Variants in PTPRM observed in about 807,000 individuals in gnomAD.
PTPRM encodes protein tyrosine phosphatase receptor type M.
Under a neutral mutation model 186.7 loss-of-function variants are expected in PTPRM, and 47 were observed. The ratio of observed to expected loss-of-function variants is 0.25; its 90% CI spans 0.20 to 0.32. PTPRM has a LOEUF of 0.32. PTPRM is among the 10% of genes least tolerant of loss of function. The pLI, the probability that PTPRM is intolerant of heterozygous loss-of-function variation, is 1.00. For missense variants in PTPRM, 1,494 were observed against 1,865.0 expected (o/e 0.80, Z 3.66); for synonymous variants, 668 against 674.9 (o/e 0.99, Z 0.16).
At chr18:7,579,706 C>A (rs186687281) in intron 1 of PTPRM, among the ~76,000 whole-genome samples, 1 of 152,260 alleles carries the variant, frequency 6.6e-6, no homozygotes, top group Non-Finnish European at 1.5e-5. Context: ...TCTAAATTTG[C>A]CAATTTGAGC....
intron 1 of PTPRM, among the ~76,000 whole-genome samples, chr18:7,729,528 G>GA (rs57829380): frequency 0.072 from 10,729 of 149,370 alleles, 1,008 homozygotes; most frequent in African/African-American, 0.21. Flanking sequence ...TAATAAGGCT[G>GA]AAAAAAAAAC....
intron 14 of PTPRM, among the ~76,000 whole-genome samples, chr18:8,198,976 G>A (rs1402477583): frequency 6.6e-6 from 1 of 152,116 alleles, no homozygotes; most frequent in Non-Finnish European, 1.5e-5. Context: ...GACTAGAGGA[G>A]GAGGAGGCTG....
At chr18:7,820,730 G>T (rs1308874319) in intron 2 of PTPRM, among the ~76,000 whole-genome samples, 1 of 152,108 alleles carries the variant, frequency 6.6e-6, no homozygotes, top group African/African-American at 2.4e-5. Context: ...CCTCCCGTGG[G>T]TGACTTCCCC....
In PTPRM at chr18:7,634,496, C is replaced by G. The variant is rs545072926; in HGVS notation, c.73+66605C>G. 9.8e-5 allele frequency among the ~76,000 whole-genome samples: 15 copies of G among 152,292 alleles called. No individual in the cohort carries two copies. The South Asian group carries it at 2.7e-3, about 27-fold the overall frequency. On this transcript the variant is annotated intron_variant, in intron 1 of 32. Transcript: ENST00000580170. The stretch of plus-strand genomic sequence containing the variant: ...TGAAGGTAGGACATGCTGAAAAGCT[C>G]TTTCCTCATTTTTACTTGTTAAAGG...
chr18:8,349,672 G>A (rs2095523854), intron 23 of PTPRM, among the ~76,000 whole-genome samples: 2 of 152,162 alleles, frequency 1.3e-5, no homozygotes, highest in Admixed American at 6.5e-5. Context: ...TAGAAACTAA[G>A]CTTGTCCATT....
chr18:8,266,360 A>T (rs2147562248), intron 19 of PTPRM, among the ~76,000 whole-genome samples: 1 of 38,810 alleles, frequency 2.6e-5, no homozygotes, highest in South Asian at 9.3e-4. Flanking sequence ...CCTTGCTACC[A>T]CTCAAAAAAA....
At chr18:8,149,452 T>C (rs915596987) in intron 14 of PTPRM, among the ~76,000 whole-genome samples, 2 of 152,194 alleles carry the variant, frequency 1.3e-5, no homozygotes, top group Admixed American at 6.5e-5. Flanking sequence ...AAGTCTGTTT[T>C]ATCAGAGACT....
At chr18:7,640,103 G>A (rs554725284) in intron 1 of PTPRM, among the ~76,000 whole-genome samples, 93 of 152,242 alleles carry the variant, frequency 6.1e-4, no homozygotes, top group African/African-American at 2.0e-3. Context: ...GGCAGTGACA[G>A]ATACTGAGCA....
At chr18:7,592,436 T>G (rs2143643661) in intron 1 of PTPRM, among the ~76,000 whole-genome samples, 1 of 152,252 alleles carries the variant, frequency 6.6e-6, no homozygotes, top group Non-Finnish European at 1.5e-5. Context: ...GCCCCAAGGG[T>G]GTCATCAAAT....
chr18:7,605,426 C>CCCT (rs2037507900), intron 1 of PTPRM, among the ~76,000 whole-genome samples: 2 of 151,834 alleles, frequency 1.3e-5, no homozygotes, highest in African/African-American at 4.8e-5. Flanking sequence ...ATGTCCCCCC[C>CCCT]CCACTTCCGT....
intron 5 of PTPRM, among the ~76,000 whole-genome samples, chr18:7,947,470 G>GC (rs2052614866): frequency 7.3e-6 from 1 of 136,460 alleles, no homozygotes; most frequent in African/African-American, 3.8e-5. Context: ...ATAAATCACT[G>GC]GGTAATACAG....
chr18:8,215,800 G>A (rs1250826042), intron 14 of PTPRM, among the ~76,000 whole-genome samples: 1 of 152,030 alleles, frequency 6.6e-6, no homozygotes, highest in East Asian at 1.9e-4. Context: ...CTCCTGCCTT[G>A]ACCTCCCAAA....
intron 1 of PTPRM, among the ~76,000 whole-genome samples, chr18:7,729,626 T>C (rs1451874077): frequency 6.6e-6 from 1 of 152,218 alleles, no homozygotes; most frequent in African/African-American, 2.4e-5. Flanking sequence ...CAATTAAAAA[T>C]GGCCTTGGGG....
chr18:7,991,565 G>T (rs894957079), intron 7 of PTPRM, among the ~76,000 whole-genome samples: 2 of 152,140 alleles, frequency 1.3e-5, no homozygotes, highest in Non-Finnish European at 2.9e-5. Flanking sequence ...TAACATTCTT[G>T]CAGCAAATAA....
At chr18:7,906,881 G>T (rs775059486) in intron 4 of PTPRM, among the ~76,000 whole-genome samples, 23 of 152,150 alleles carry the variant, frequency 1.5e-4, no homozygotes, top group Non-Finnish European at 1.3e-4. Flanking sequence ...TTTAGAATTC[G>T]CTTTTCAGTA....
chr18:7,993,469 G>A (rs547300485), intron 7 of PTPRM, among the ~76,000 whole-genome samples: 2 of 151,968 alleles, frequency 1.3e-5, no homozygotes, highest in Non-Finnish European at 2.9e-5. Flanking sequence ...CTAAACAATA[G>A]AAAGAGAAAA....
At chr18:7,713,021 A>G (rs1444368427) in intron 1 of PTPRM, among the ~76,000 whole-genome samples, 1 of 152,124 alleles carries the variant, frequency 6.6e-6, no homozygotes, top group Admixed American at 6.6e-5. Context: ...TACAGAGAAC[A>G]CCACAAAGAT....
intron 1 of PTPRM, among the ~76,000 whole-genome samples, chr18:7,633,026 G>A (rs1251643370): frequency 5.9e-5 from 9 of 152,160 alleles, no homozygotes; most frequent in Non-Finnish European, 1.3e-4. Flanking sequence ...CAGCAGCAGT[G>A]TTGAGACAGC....
In PTPRM at chr18:7,882,853, T is replaced by C. The variant is rs9956810; in HGVS notation, c.197-5253T>C. On this transcript the variant is annotated intron_variant, in intron 2 of 32. Transcript: ENST00000580170. ...TTAATGATGGGTTAGAAAGGAATAA[T>C]TCTGTGCAGTTATTACTGCTGTCAC... Among the ~76,000 whole-genome samples, 765 of 152,314 alleles carry C rather than the reference T, an allele frequency of 5.0e-3. 6 individuals carry two copies. Among genetic ancestry groups the C allele is most frequent in the African/African-American group, 0.017 (714 of 41,568 alleles).
Sources: gnomAD v4.1 joint callset for allele counts (sites outside exome capture counted in the v4.1 genomes callset) on GRCh38, gnomAD v4.1.1 for gene constraint, MANE v1.5 for transcripts, NCBI Gene and HGNC (gene_info 2026-07-23, HGNC 2026-07-21) for gene names.